The following COL24A1 variants were observed in gnomAD, a reference collection of about 807,000 sequenced individuals.
COL24A1 encodes the protein collagen alpha-1(XXIV) chain.
A neutral mutation model predicts 253.9 loss-of-function variants in COL24A1; 224 were observed. The observed-to-expected ratio is 0.88, with a 90% confidence interval of 0.79 to 0.99. COL24A1 has a LOEUF of 0.99. Among genes scored for constraint, COL24A1 ranks in the 50% least tolerant of loss-of-function variants. The pLI is 0.00. For synonymous variants in COL24A1, 685 were observed against 673.7 expected (o/e 1.02, Z -0.26); for missense variants, 2,131 against 2,068.5 (o/e 1.03, Z -0.59).
chr1:85,920,878 A>T (rs1379226367), intron 24 of COL24A1, among the ~76,000 whole-genome samples: 2 of 152,122 alleles, frequency 1.3e-5, no homozygotes, highest in African/African-American at 2.4e-5. Context: ...GCTGATGATA[A>T]ACCAGGAACA....
intron 32 of COL24A1, among the ~76,000 whole-genome samples, chr1:85,882,220 G>T (rs1466951683): frequency 6.6e-6 from 1 of 152,152 alleles, no homozygotes; most frequent in Non-Finnish European, 1.5e-5. Flanking sequence ...GCTCACGCTT[G>T]TAATCCCAGC....
chr1:85,789,644 T>C (rs571716384), intron 47 of COL24A1, among the ~76,000 whole-genome samples: 18 of 152,316 alleles, frequency 1.2e-4, no homozygotes, highest in African/African-American at 4.3e-4. Flanking sequence ...TCAAGGGGAA[T>C]GCTTCCAGCT....
rs573527404 is a variant in COL24A1, at chr1:86,011,690, C to A, written c.2310+5461G>T. Among the ~76,000 whole-genome samples, 10 of 152,266 alleles carry A rather than the reference C, an allele frequency of 6.6e-5. No homozygotes were observed. The South Asian group carries it at 1.9e-3, about 28-fold the overall frequency. On this transcript the variant is annotated intron_variant, in intron 19 of 59. Coordinates refer to ENST00000370571, the MANE Select transcript of COL24A1 (RefSeq NM_152890.7). ...TGTTTTTAAAAACATTTATAGAATG[C>A]TATCTCTGTGCCACGCTTTGCTGCA...
chr1:85,828,978 G>T (rs1674794584), intron 43 of COL24A1, among the ~76,000 whole-genome samples: 2 of 151,796 alleles, frequency 1.3e-5, no homozygotes, highest in Admixed American at 1.3e-4. Flanking sequence ...GCTGTTAGCT[G>T]GTTATTTTGC....
intron 47 of COL24A1, among the ~76,000 whole-genome samples, chr1:85,791,755 G>A (rs1670297257): frequency 6.6e-6 from 1 of 152,132 alleles, no homozygotes; most frequent in Admixed American, 6.5e-5. Context: ...GATGAAATAT[G>A]TGAAATATGC....
In COL24A1 at chr1:86,024,131, G is replaced by T. The variant is rs139002101; in HGVS notation, c.2050-1124C>A. ...CCTTCCACTTTACTTCTCCCTCCCC[G>T]AAATCCTCCATTCTAGCTGCAGTGG... On this transcript the variant is annotated intron_variant, in intron 14 of 59. Coordinates refer to ENST00000370571, the MANE Select transcript of COL24A1 (RefSeq NM_152890.7). Among the ~76,000 whole-genome samples, 414 of 151,760 alleles carry T rather than the reference G, an allele frequency of 2.7e-3. 1 individual carries two copies. Among genetic ancestry groups the T allele is most frequent in the Middle Eastern group, 6.8e-3 (2 of 294 alleles).
chr1:85,816,713 G>C, intron 47 of COL24A1, 75 bp downstream of exon 47: 1 of 1,284,918 alleles, frequency 7.8e-7, no homozygotes, highest in Non-Finnish European at 1.1e-6. Context: ...AAAATAGATA[G>C]CCAAAATATC....
chr1:85,910,530 T>C (rs1446766167), intron 25 of COL24A1, among the ~76,000 whole-genome samples: 1 of 151,992 alleles, frequency 6.6e-6, no homozygotes, highest in Admixed American at 6.6e-5. Flanking sequence ...ATTAAAATTC[T>C]CAAGAGTATC....
At chr1:85,806,653 T>C (rs930357322) in intron 47 of COL24A1, among the ~76,000 whole-genome samples, 2 of 146,892 alleles carry the variant, frequency 1.4e-5, no homozygotes, top group Non-Finnish European at 1.5e-5. Flanking sequence ...TCATGGGCCA[T>C]ACAAAAACAG....
At chr1:85,977,926 A>C (rs1239255414) in intron 20 of COL24A1, among the ~76,000 whole-genome samples, 1 of 152,184 alleles carries the variant, frequency 6.6e-6, no homozygotes, top group Non-Finnish European at 1.5e-5. Context: ...GCACACAGTC[A>C]TCAGGTTCTC....
intron 8 of COL24A1, among the ~76,000 whole-genome samples, chr1:86,059,532 C>T (rs1700920813): frequency 6.6e-6 from 1 of 152,108 alleles, no homozygotes; most frequent in Admixed American, 6.5e-5. Context: ...CATCCTACAA[C>T]ACTCCTTAAC....
At chr1:86,059,343 A>C (rs898684802) in intron 8 of COL24A1, among the ~76,000 whole-genome samples, 169 bp from the exon 9 acceptor site, 6 of 152,196 alleles carry the variant, frequency 3.9e-5, no homozygotes, top group African/African-American at 1.4e-4. Context: ...AAAAATTGCT[A>C]AATAAAATCA....
At chr1:85,861,004 T>C (rs1679084777) in intron 37 of COL24A1, among the ~76,000 whole-genome samples, 1 of 152,222 alleles carries the variant, frequency 6.6e-6, no homozygotes, top group African/African-American at 2.4e-5. Context: ...GCAATTCTCT[T>C]GGACATACGT....
At chr1:85,946,236 G>A (rs146429269) in intron 24 of COL24A1, among the ~76,000 whole-genome samples, 2 of 152,210 alleles carry the variant, frequency 1.3e-5, no homozygotes, top group East Asian at 1.9e-4. Flanking sequence ...GCTCACTTCC[G>A]AGTTGAGGGT....
At chr1:85,754,852 A>G (rs573063790) in intron 55 of COL24A1, among the ~76,000 whole-genome samples, 17 of 152,250 alleles carry the variant, frequency 1.1e-4, no homozygotes, top group South Asian at 8.3e-4. Context: ...AAGCTTATCA[A>G]CATATGCATG....
chr1:85,976,627 T>G, intron 20 of COL24A1, among the ~76,000 whole-genome samples: 1 of 152,122 alleles, frequency 6.6e-6, no homozygotes, highest in East Asian at 1.9e-4. Context: ...ACCCAAATAC[T>G]TATTCTGGCC....
At chr1:86,111,023 G>T (rs1343165560) in intron 5 of COL24A1, among the ~76,000 whole-genome samples, 2 of 152,218 alleles carry the variant, frequency 1.3e-5, no homozygotes, top group Admixed American at 6.5e-5. Flanking sequence ...AGTATGGTGG[G>T]GACTTGGAGA....
chr1:85,969,729 C>T (rs928650965), intron 22 of COL24A1, among the ~76,000 whole-genome samples: 3 of 149,282 alleles, frequency 2.0e-5, no homozygotes, highest in Non-Finnish European at 3.0e-5. Flanking sequence ...AACACATATA[C>T]CTTAATTATT....
chr1:86,051,992 A>G (rs1294991188), intron 10 of COL24A1, among the ~76,000 whole-genome samples: 1 of 152,088 alleles, frequency 6.6e-6, no homozygotes, highest in Non-Finnish European at 1.5e-5. Flanking sequence ...AAGGACAGAT[A>G]TGTCTGAAGT....
Sources: allele counts gnomAD v4.1 joint callset (sites outside exome capture counted in the v4.1 genomes callset), GRCh38; gene constraint gnomAD v4.1.1; transcripts MANE v1.5; gene names NCBI Gene and HGNC (gene_info 2026-07-23, HGNC 2026-07-21).